SEPTIN10: variants seen among roughly 807,000 people sequenced by gnomAD.
SEPTIN10 encodes septin-10.
A neutral mutation model predicts 54.8 loss-of-function variants in SEPTIN10; 66 were observed. The ratio of observed to expected loss-of-function variants is 1.21; its 90% CI spans 0.99 to 1.48. The LOEUF (loss-of-function observed/expected upper bound fraction) is 1.48, where lower values mean the gene tolerates loss of function less well. Ranked by LOEUF, SEPTIN10 falls within the 40% of genes most tolerant of loss-of-function variation. The pLI, the probability that SEPTIN10 is intolerant of heterozygous loss-of-function variation, is 0.00. For missense variants in SEPTIN10, 620 were observed against 545.6 expected, an observed-to-expected ratio of 1.14 and a Z score of -1.36; for synonymous variants, 161 against 181.0, an observed-to-expected ratio of 0.89 and a Z score of 0.89.
intron 10 of SEPTIN10, chr2:109,545,352 T>C (rs981276793): frequency 2.2e-5 from 33 of 1,497,518 alleles, no homozygotes; most frequent in Non-Finnish European, 2.8e-5. Flanking sequence ...AAACTTATTT[T>C]CTAAAACTTG....
chr2:109,597,950 C>T (rs1474428436), intron 1 of SEPTIN10, among the ~76,000 whole-genome samples: 2 of 152,198 alleles, frequency 1.3e-5, no homozygotes, highest in Non-Finnish European at 1.5e-5. Flanking sequence ...CCCTAGGTAA[C>T]AATTTTCCTT....
intron 4 of SEPTIN10, among the ~76,000 whole-genome samples, chr2:109,579,318 T>G (rs556013999): frequency 1.3e-5 from 2 of 152,128 alleles, no homozygotes; most frequent in Non-Finnish European, 2.9e-5. Flanking sequence ...ACTGATTTTT[T>G]TTATTGGTTA....
intron 4 of SEPTIN10, 119 bp downstream of exon 4, chr2:109,585,007 T>C (rs1692138036): frequency 2.2e-6 from 1 of 461,372 alleles, no homozygotes; most frequent in Admixed American, 4.1e-5. Context: ...TTTAAAACAA[T>C]GTGTGGAAGG....
At chr2:109,546,012 T>A (rs1340390791) in intron 10 of SEPTIN10, 38 bp downstream of exon 10, 1 of 1,529,618 alleles carries the variant, frequency 6.5e-7, no homozygotes, top group African/African-American at 1.4e-5. Flanking sequence ...GTGACAAGTG[T>A]GGGCAGGGCT....
chr2:109,571,136 T>G (rs1387234848), intron 5 of SEPTIN10, among the ~76,000 whole-genome samples: 5 of 152,154 alleles, frequency 3.3e-5, no homozygotes, highest in African/African-American at 4.8e-5. Flanking sequence ...CATGCCTGCT[T>G]CCCCTTCGCC....
At chr2:109,583,989 G>T (rs1321274828) in intron 4 of SEPTIN10, among the ~76,000 whole-genome samples, 1 of 152,260 alleles carries the variant, frequency 6.6e-6, no homozygotes, top group South Asian at 2.1e-4. Flanking sequence ...GGGACTACTA[G>T]AGTGGGAAGG....
intron 1 of SEPTIN10, among the ~76,000 whole-genome samples, chr2:109,602,807 C>T (rs1013245682): frequency 6.9e-6 from 1 of 145,014 alleles, no homozygotes; most frequent in Non-Finnish European, 1.5e-5. Flanking sequence ...CCAGGAAAAG[C>T]AAATGAGAGA....
intron 4 of SEPTIN10, among the ~76,000 whole-genome samples, chr2:109,583,546 T>C (rs907913665): frequency 2.0e-5 from 3 of 152,210 alleles, no homozygotes; most frequent in Admixed American, 1.3e-4. Context: ...GGTGGGAATG[T>C]AAATTAATGC....
rs1680462298 is a variant in SEPTIN10 at position 109,543,623 on chromosome 2, T to C, written c.*686A>G. On this transcript the variant is annotated 3_prime_UTR_variant, in exon 11 of 11. Transcript: ENST00000397712. ...AAAAAGGTTCATCTTGGAATATAAA[T>C]GTAATCAGATAGCCACGATATTAAT... 1 of 152,254 alleles carries C rather than the reference T, an allele frequency of 6.6e-6. No homozygotes were observed. Among genetic ancestry groups the C allele is most frequent in the Non-Finnish European group, 1.5e-5 (1 of 68,074 alleles). The allele number at this position is 152,254 out of a possible 1,614,324, so 9.4% of individuals were successfully genotyped here.
At chr2:109,556,171 C>G (rs1294428791) in intron 8 of SEPTIN10, among the ~76,000 whole-genome samples, 1 of 152,154 alleles carries the variant, frequency 6.6e-6, no homozygotes, top group Non-Finnish European at 1.5e-5. Context: ...CTACCAGTAG[C>G]TGCCCTTTCC....
chr2:109,600,538 G>GA (rs796837171), intron 1 of SEPTIN10, among the ~76,000 whole-genome samples: 4,280 of 132,056 alleles, frequency 0.032, 66 homozygotes, highest in South Asian at 0.085. Context: ...GCAATGAGTT[G>GA]AAAAAAAAAA....
chr2:109,561,343 C>T (rs1179860831), intron 8 of SEPTIN10, among the ~76,000 whole-genome samples: 2 of 152,108 alleles, frequency 1.3e-5, no homozygotes. Context: ...TTGGAACCCC[C>T]CCACCCACAC....
At chr2:109,550,268 C>T (rs1168521016) in intron 9 of SEPTIN10, among the ~76,000 whole-genome samples, 2 of 150,360 alleles carry the variant, frequency 1.3e-5, no homozygotes, top group African/African-American at 4.9e-5. Flanking sequence ...CCAGCCTGGG[C>T]AACAAAAGCA....
chr2:109,591,324 T>A (rs1486261346), intron 2 of SEPTIN10, among the ~76,000 whole-genome samples: 3 of 152,138 alleles, frequency 2.0e-5, no homozygotes, highest in South Asian at 2.1e-4. Context: ...AGGATTTTAA[T>A]GTCACTGGAA....
At position 109,606,672 on chromosome 2, in the gene SEPTIN10, CTTTTTTTTTT is replaced by C. The variant is rs34414105; in HGVS notation, c.30+7116_30+7125del. 8.8e-3 allele frequency among the ~76,000 whole-genome samples: 634 copies of C among 71,958 alleles called. 5 individuals carry two copies. Among genetic ancestry groups the C allele is most frequent in the Middle Eastern group, 0.042 (2 of 48 alleles). The allele number at this position is 71,958 out of a possible 152,430, so 47.2% of individuals were successfully genotyped here. A position where few individuals can be genotyped will look rare whatever the true frequency, so the allele number is the denominator to read the frequency against. ...AAAAAATTGCACTAAAAATTTTAAG[CTTTTTTTTTT>C]TTTTTTTTTTTTTTTGAGATGGAGT... is the stretch of plus-strand genomic sequence containing the variant. On this transcript the variant is annotated intron_variant, in intron 1 of 10. Coordinates refer to ENST00000397712, the MANE Select transcript of SEPTIN10 (RefSeq NM_144710.5).
At chr2:109,545,877 G>T in intron 10 of SEPTIN10, 173 bp downstream of exon 10, 1 of 1,440,522 alleles carries the variant, frequency 6.9e-7, no homozygotes, top group Non-Finnish European at 9.2e-7. Context: ...CTGGATGCTG[G>T]GGAAACAGCA....
rs565204350 is a variant in SEPTIN10, at chr2:109,567,287, C to T, written c.762+528G>A. Among the ~76,000 whole-genome samples the T allele has an allele frequency of 3.9e-5, 6 of 152,252 alleles. 1 individual carries two copies. The highest frequency in any genetic ancestry group is 1.4e-4 in the African/African-American group (6 of 41,556). On this transcript the variant is annotated intron_variant, in intron 6 of 10. Transcript: ENST00000397712. ...TTTCAAAACCCATGATCCTACAAAA[C>T]ACAACCAGGTGTTTTAAAAATGTGT...
chr2:109,570,605 AC>A (rs933862384), intron 5 of SEPTIN10, among the ~76,000 whole-genome samples: 19 of 151,846 alleles, frequency 1.3e-4, no homozygotes, highest in African/African-American at 4.6e-4. Context: ...GCTCACTGCA[AC>A]CTCCGCCTCC....
chr2:109,606,080 A>C (rs1469288874), intron 1 of SEPTIN10, among the ~76,000 whole-genome samples: 1 of 152,208 alleles, frequency 6.6e-6, no homozygotes, highest in Non-Finnish European at 1.5e-5. Context: ...CATCCAAAAA[A>C]CTAGAGATAA....
Sources: gnomAD v4.1 joint callset for allele counts (sites outside exome capture counted in the v4.1 genomes callset) on GRCh38, gnomAD v4.1.1 for gene constraint, MANE v1.5 for transcripts, NCBI Gene and HGNC (gene_info 2026-07-23, HGNC 2026-07-21) for gene names.